The following CDH12 variants were observed in gnomAD, a reference collection of about 807,000 sequenced individuals.
CDH12 encodes cadherin 12.
CDH12 carries 41 observed loss-of-function variants against 74.1 expected under a neutral mutation model. The observed-to-expected ratio is 0.55, with a 90% CI of 0.43 to 0.72. The LOEUF (loss-of-function observed/expected upper bound fraction) is 0.72. Ranked by LOEUF, CDH12 falls within the 30% of genes least tolerant of loss-of-function variation. CDH12 has a pLI of 0.00. For missense variants in CDH12, 945 were observed against 977.2 expected, an observed-to-expected ratio of 0.97 and a Z score of 0.44; for synonymous variants, 399 against 355.0, an observed-to-expected ratio of 1.12 and a Z score of -1.39.
At chr5:22,220,552 T>TTGAG (rs1274057630) in intron 3 of CDH12, among the ~76,000 whole-genome samples, 3 of 151,398 alleles carry the variant, frequency 2.0e-5, no homozygotes, top group African/African-American at 7.3e-5. Flanking sequence ...ATTTTGGTGG[T>TTGAG]TGAGTGGTCA....
chr5:22,683,216 A>G (rs1741587280), intron 1 of CDH12, among the ~76,000 whole-genome samples: 1 of 152,162 alleles, frequency 6.6e-6, no homozygotes, highest in South Asian at 2.1e-4. Flanking sequence ...AGCCAATGTG[A>G]TGGTAACGTT....
At chr5:22,241,658 T>C (rs1005414405) in intron 3 of CDH12, among the ~76,000 whole-genome samples, 1 of 152,072 alleles carries the variant, frequency 6.6e-6, no homozygotes, top group African/African-American at 2.4e-5. Flanking sequence ...TTGAAATTCC[T>C]TGGTATAGGA....
chr5:21,939,385 T>G (rs1458677605), intron 6 of CDH12, among the ~76,000 whole-genome samples: 1 of 151,796 alleles, frequency 6.6e-6, no homozygotes, highest in African/African-American at 2.4e-5. Context: ...AAATAGCTAA[T>G]TAAAGCTTAA....
intron 3 of CDH12, among the ~76,000 whole-genome samples, chr5:22,234,379 T>C (rs1752489999): frequency 6.6e-6 from 1 of 152,132 alleles, no homozygotes; most frequent in African/African-American, 2.4e-5. Flanking sequence ...CTCTCATGAC[T>C]GTGAACAAGT....
intron 4 of CDH12, among the ~76,000 whole-genome samples, chr5:22,166,772 T>C (rs71609264): frequency 6.6e-6 from 1 of 152,206 alleles, no homozygotes; most frequent in African/African-American, 2.4e-5. Flanking sequence ...TTGAGATACA[T>C]TGTTAATTCA....
intron 6 of CDH12, among the ~76,000 whole-genome samples, chr5:21,929,874 C>G (rs1005192988): frequency 6.6e-6 from 1 of 152,064 alleles, no homozygotes; most frequent in Non-Finnish European, 1.5e-5. Context: ...TATATGTCCT[C>G]CTGGGCAAAG....
At chr5:22,706,997 A>T (rs1743041122) in intron 1 of CDH12, among the ~76,000 whole-genome samples, 1 of 152,148 alleles carries the variant, frequency 6.6e-6, no homozygotes, top group Non-Finnish European at 1.5e-5. Flanking sequence ...ATTCAAGTGC[A>T]GACAGTCTTT....
At chr5:21,832,300 G>A (rs1749066855) in intron 8 of CDH12, among the ~76,000 whole-genome samples, 1 of 152,020 alleles carries the variant, frequency 6.6e-6, no homozygotes, top group Non-Finnish European at 1.5e-5. Context: ...GCTCTCGTTA[G>A]CAAATGACAA....
At chr5:22,222,044 G>A (rs149500727) in intron 3 of CDH12, among the ~76,000 whole-genome samples, 24 of 151,956 alleles carry the variant, frequency 1.6e-4, no homozygotes, top group African/African-American at 5.3e-4. Context: ...CTATTTGATG[G>A]CTCTTACAAT....
At chr5:22,385,667 C>T (rs1741965611) in intron 3 of CDH12, among the ~76,000 whole-genome samples, 1 of 151,982 alleles carries the variant, frequency 6.6e-6, no homozygotes, top group Non-Finnish European at 1.5e-5. Context: ...CCCAGACGGC[C>T]TGTATTTTTA....
intron 2 of CDH12, among the ~76,000 whole-genome samples, chr5:22,424,018 A>G (rs953866848): frequency 6.7e-6 from 1 of 149,640 alleles, no homozygotes; most frequent in Non-Finnish European, 1.5e-5. Flanking sequence ...AAAAAAAAAA[A>G]AAAAAAAAAG....
At chr5:22,139,833 C>T (rs1231193480) in intron 4 of CDH12, among the ~76,000 whole-genome samples, 2 of 152,124 alleles carry the variant, frequency 1.3e-5, no homozygotes, top group South Asian at 2.1e-4. Flanking sequence ...GCTGGAGAGC[C>T]ATCAGTTGAA....
At chr5:22,006,650 G>A (rs1187312751) in intron 5 of CDH12, among the ~76,000 whole-genome samples, 1 of 152,106 alleles carries the variant, frequency 6.6e-6, no homozygotes, top group African/African-American at 2.4e-5. Context: ...GTGAGAGATT[G>A]GGCTTTGAGT....
chr5:22,838,026 G>GA (rs922149433), intron 1 of CDH12, among the ~76,000 whole-genome samples: 11 of 152,136 alleles, frequency 7.2e-5, no homozygotes, highest in Non-Finnish European at 7.4e-5. Context: ...AGGCAGAAGT[G>GA]AAAAAATAAC....
intron 6 of CDH12, among the ~76,000 whole-genome samples, chr5:21,913,558 G>A (rs1753956302): frequency 6.6e-6 from 1 of 151,952 alleles, no homozygotes; most frequent in Non-Finnish European, 1.5e-5. Context: ...ACTTTCATTA[G>A]CATAGCTTAT....
Position 21,784,579 on chromosome 5 carries a change from T to C in CDH12, c.1257-1085A>G, listed in dbSNP as rs72739941. Among the ~76,000 whole-genome samples, 866 of 152,264 alleles carry C rather than the reference T, an allele frequency of 5.7e-3. 8 individuals are homozygous for C. Among genetic ancestry groups the C allele is most frequent in the South Asian group, 0.013 (64 of 4,826 alleles). On this transcript the variant is annotated intron_variant, in intron 10 of 14. Coordinates refer to ENST00000382254, the MANE Select transcript of CDH12 (RefSeq NM_004061.5). ...TATAACATTTTATGGGAAATGATTT[T>C]GCTAATCAAAAGGCACAATACACAA...
intron 6 of CDH12, among the ~76,000 whole-genome samples, chr5:21,960,315 T>A (rs1351408397): frequency 6.6e-6 from 1 of 152,158 alleles, no homozygotes; most frequent in South Asian, 2.1e-4. Context: ...TATGTAAGTC[T>A]TTTGAAAGTG....
At position 22,698,727 on chromosome 5, in the gene CDH12, ATATATATAGTGTGTGT is replaced by A. The variant is rs1402350449; in HGVS notation, c.-523+154315_-523+154330del. ...TATATATATATATATATATATATAT[ATATATATAGTGTGTGT>A]GTGTGTGTGTGTGTGTGTGTGTGTG... On this transcript the variant is annotated intron_variant, in intron 1 of 14. Coordinates refer to ENST00000382254, the MANE Select transcript of CDH12 (RefSeq NM_004061.5). Among the ~76,000 whole-genome samples the A allele has an allele frequency of 5.3e-3, 48 of 9,106 alleles. 1 individual carries two copies. Among genetic ancestry groups the A allele is most frequent in the African/African-American group, 0.014 (36 of 2,592 alleles). The allele number at this position is 9,106 out of a possible 152,430, so 6.0% of individuals were successfully genotyped here.
At chr5:21,880,567 CTTTCTTTCCTT>C (rs1752221526) in intron 6 of CDH12, among the ~76,000 whole-genome samples, 4 of 12,152 alleles carry the variant, frequency 3.3e-4, no homozygotes, top group African/African-American at 5.5e-4. Flanking sequence ...TCCTTCCCTT[CTTTCTTTCCTT>C]CCTTCCTTCC....
Sources: allele counts gnomAD v4.1 joint callset (sites outside exome capture counted in the v4.1 genomes callset), GRCh38; gene constraint gnomAD v4.1.1; transcripts MANE v1.5; gene names NCBI Gene and HGNC (gene_info 2026-07-23, HGNC 2026-07-21).